ANKRD12: variants seen among roughly 807,000 people sequenced by gnomAD.
ANKRD12 encodes the protein ankyrin repeat domain 12, also known as ankyrin repeat domain-containing protein 12.
A neutral mutation model predicts 183.4 loss-of-function variants in ANKRD12; 85 were observed. The observed-to-expected ratio is 0.46, with a 90% CI of 0.39 to 0.56. ANKRD12 has a LOEUF of 0.56. ANKRD12 is among the 20% of genes least tolerant of loss of function. The probability of loss-of-function intolerance (pLI) is 0.00; values close to 1 mark genes in which losing one functional copy is unlikely to be tolerated. For synonymous variants in ANKRD12, 914 were observed against 800.2 expected (o/e 1.14, Z -2.40); for missense variants, 2,405 against 2,357.1 (o/e 1.02, Z -0.42).
At chr18:9,265,338 C>A (rs997508657) in intron 10 of ANKRD12, among the ~76,000 whole-genome samples, 5 of 152,204 alleles carry the variant, frequency 3.3e-5, no homozygotes, top group South Asian at 2.1e-4. Flanking sequence ...TCAAGTGGGT[C>A]CCTGACCCCC....
chr18:9,181,787 G>C (rs2033718056), intron 1 of ANKRD12, among the ~76,000 whole-genome samples: 1 of 152,084 alleles, frequency 6.6e-6, no homozygotes, highest in Non-Finnish European at 1.5e-5. Flanking sequence ...GACCTATTAT[G>C]CTTGTAGAAT....
intron 6 of ANKRD12, 107 bp downstream of exon 6, chr18:9,211,891 T>C: frequency 1.0e-6 from 1 of 982,558 alleles, no homozygotes; most frequent in Admixed American, 2.7e-5. Flanking sequence ...ATGAAAGAGT[T>C]CTAAAAATAC....
chr18:9,167,114 C>A (rs1296057183), intron 1 of ANKRD12, among the ~76,000 whole-genome samples: 21 of 152,172 alleles, frequency 1.4e-4, no homozygotes, highest in Non-Finnish European at 2.8e-4. Context: ...GTTTTGGTTA[C>A]TGTAGCCTTG....
At chr18:9,216,646 T>A (rs2036125060) in intron 6 of ANKRD12, 112 bp from the exon 7 acceptor site, 1 of 1,045,114 alleles carries the variant, frequency 9.6e-7, no homozygotes, top group Admixed American at 2.7e-5. Context: ...TCCTTTTTTT[T>A]TGCACGATGT....
In ANKRD12 at chr18:9,281,170, C is replaced by G; in HGVS notation, c.*44C>G. On this transcript the variant is annotated 3_prime_UTR_variant, in exon 13 of 13. Coordinates refer to ENST00000262126, the MANE Select transcript of ANKRD12 (RefSeq NM_015208.5). Reference sequence around the variant, plus strand: ...GGTATTGTCCTAAACTGGTGATGCTCAAGCATTATACTGTGGAATACTGCC... The same window carrying G: ...GGTATTGTCCTAAACTGGTGATGCTGAAGCATTATACTGTGGAATACTGCC... 1 of 1,531,456 alleles carries G rather than the reference C, an allele frequency of 6.5e-7. No individual in the cohort carries two copies. Among genetic ancestry groups the G allele is most frequent in the African/African-American group, 1.4e-5 (1 of 72,336 alleles). 94.9% of individuals were successfully genotyped at this position (1,531,456 alleles called of 1,614,324 possible).
chr18:9,270,267 A>C (rs1010858676), intron 10 of ANKRD12, among the ~76,000 whole-genome samples: 3 of 152,220 alleles, frequency 2.0e-5, no homozygotes, highest in African/African-American at 7.2e-5. Flanking sequence ...TACTGGGTAT[A>C]TACCGAAAGG....
At chr18:9,177,684 C>T (rs2033382744) in intron 1 of ANKRD12, among the ~76,000 whole-genome samples, 1 of 152,168 alleles carries the variant, frequency 6.6e-6, no homozygotes, top group Middle Eastern at 3.4e-3. Context: ...GAACTTATTT[C>T]TTCTATTTAT....
intron 1 of ANKRD12, among the ~76,000 whole-genome samples, chr18:9,139,746 A>G (rs1419959129): frequency 6.6e-6 from 1 of 152,214 alleles, no homozygotes; most frequent in Non-Finnish European, 1.5e-5. Context: ...ATGTATTTGT[A>G]AGATGCCTGT....
intron 1 of ANKRD12, among the ~76,000 whole-genome samples, chr18:9,181,197 T>C (rs1014852886): frequency 6.6e-6 from 1 of 152,228 alleles, no homozygotes; most frequent in Non-Finnish European, 1.5e-5. Context: ...GGTAGTTTTT[T>C]GTGTTGTAAT....
intron 1 of ANKRD12, among the ~76,000 whole-genome samples, chr18:9,170,102 G>C (rs1034427361): frequency 1.1e-4 from 16 of 152,184 alleles, no homozygotes; most frequent in Admixed American, 2.6e-4. Flanking sequence ...TGATGGGCTT[G>C]CCTTTGTGGG....
At chr18:9,254,064 A>C (rs2038452975) in intron 8 of ANKRD12, 147 bp from the exon 9 acceptor site, 1 of 953,498 alleles carries the variant, frequency 1.0e-6, no homozygotes, top group Middle Eastern at 3.6e-4. Context: ...CATTGCTATT[A>C]CATTATTTCC....
intron 8 of ANKRD12, among the ~76,000 whole-genome samples, chr18:9,238,748 C>G (rs1431652007): frequency 6.6e-6 from 1 of 152,162 alleles, no homozygotes; most frequent in Admixed American, 6.5e-5. Flanking sequence ...AACTGAGAGT[C>G]CTTTGAACGT....
chr18:9,275,332 G>T (rs1160684589), intron 10 of ANKRD12, among the ~76,000 whole-genome samples, 192 bp from the exon 11 acceptor site: 1 of 151,970 alleles, frequency 6.6e-6, no homozygotes, highest in African/African-American at 2.4e-5. Context: ...AATTAGCTGT[G>T]CTTCATGGCA....
At chr18:9,147,987 C>CT (rs1159234138) in intron 1 of ANKRD12, among the ~76,000 whole-genome samples, 1 of 152,078 alleles carries the variant, frequency 6.6e-6, no homozygotes, top group Non-Finnish European at 1.5e-5. Flanking sequence ...TTTTAGAATC[C>CT]TTTTAGAACC....
chr18:9,168,901 G>A (rs553521041), intron 1 of ANKRD12, among the ~76,000 whole-genome samples: 132 of 152,250 alleles, frequency 8.7e-4, no homozygotes, highest in African/African-American at 2.9e-3. Flanking sequence ...ATGTGTCCCA[G>A]AGATTCTGGT....
intron 1 of ANKRD12, among the ~76,000 whole-genome samples, chr18:9,171,256 G>A (rs760538645): frequency 1.2e-4 from 18 of 152,132 alleles, no homozygotes; most frequent in African/African-American, 2.4e-4. Flanking sequence ...GAAATCACCC[G>A]TCTTCTGCGT....
At chr18:9,273,889 G>A (rs1425895149) in intron 10 of ANKRD12, among the ~76,000 whole-genome samples, 1 of 152,168 alleles carries the variant, frequency 6.6e-6, no homozygotes, top group Non-Finnish European at 1.5e-5. Flanking sequence ...AGATTAACAG[G>A]AGAAAAATGT....
At chr18:9,190,322 C>A (rs1237011254) in intron 2 of ANKRD12, among the ~76,000 whole-genome samples, 1 of 152,176 alleles carries the variant, frequency 6.6e-6, no homozygotes, top group African/African-American at 2.4e-5. Flanking sequence ...TGGTTTGAAG[C>A]TCCATTTCAT....
chr18:9,255,313 C>T lies in ANKRD12; in HGVS notation c.2046C>T (p.Ala682=). 1.3e-6 allele frequency: 2 copies of T among 1,590,992 alleles called. No homozygotes were observed. The highest frequency in any genetic ancestry group is 1.7e-6 in the Non-Finnish European group (2 of 1,174,186). The change falls in exon 9 of 13, where the codon GCC becomes GCT. Residue 682 remains alanine (A), a synonymous_variant. Coordinates refer to ENST00000262126, the MANE Select transcript of ANKRD12 (RefSeq NM_015208.5). ...AAAAATACAAAACTAAGGATAGTGC[C>T]AAAGAACTGCAGAGGAGTGTGGAAT... is the stretch of plus-strand genomic sequence containing the variant. The part of the protein sequence containing the change: ...EKEKYKTKDS[A]KELQRSVEFD...
Sources: allele counts gnomAD v4.1 joint callset (sites outside exome capture counted in the v4.1 genomes callset), GRCh38; gene constraint gnomAD v4.1.1; transcripts MANE v1.5; gene names NCBI Gene and HGNC (gene_info 2026-07-23, HGNC 2026-07-21).